Variants in LCT observed in about 807,000 individuals in gnomAD.
LCT encodes lactase.
LCT carries 90 observed loss-of-function variants against 173.0 expected under a neutral mutation model. The ratio of observed to expected loss-of-function variants is 0.52; its 90% confidence interval spans 0.44 to 0.62. The LOEUF is 0.62. Among genes scored for constraint, LCT ranks in the 20% least tolerant of loss-of-function variants. The probability of loss-of-function intolerance (pLI) is 0.00; values close to 1 mark genes in which losing one functional copy is unlikely to be tolerated. For missense variants in LCT, 1,864 were observed against 2,431.4 expected (o/e 0.77, Z 4.91); for synonymous variants, 853 against 957.6 (o/e 0.89, Z 2.02).
intron 3 of LCT, among the ~76,000 whole-genome samples, chr2:135,827,670 C>A (rs1455689011): frequency 1.3e-5 from 2 of 152,138 alleles, no homozygotes; most frequent in Admixed American, 1.3e-4. Context: ...CCCTCGCATG[C>A]GCAGTTCACA....
intron 14 of LCT, among the ~76,000 whole-genome samples, chr2:135,791,560 G>A (rs1337980410): frequency 2.0e-5 from 3 of 147,266 alleles, no homozygotes; most frequent in Non-Finnish European, 4.4e-5. Flanking sequence ...GATCTTTCAG[G>A]GAAAAAAAAA....
At position 135,798,058 on chromosome 2, in the gene LCT, C is replaced by T. The variant is rs759920127; in HGVS notation, c.4947G>A (p.Arg1649=). The T allele has an allele frequency of 1.2e-6, 2 of 1,612,318 alleles. No homozygotes were observed. The highest frequency in any genetic ancestry group is 2.2e-5 in the South Asian group (2 of 91,038). ...ACTTGTTGAGGCCTGCAGCCAAGCT[C>T]CTGTCACGGATCCGCGTCTTCATCA... ...NEVMKTRIRD[R]SLAAGLNKSR... The change falls in exon 13 of 17, where the codon AGG becomes AGA. Residue 1649 remains arginine, a synonymous_variant. Coordinates refer to ENST00000264162, the MANE Select transcript of LCT (RefSeq NM_002299.4).
intron 11 of LCT, 28 bp from the exon 12 acceptor site, chr2:135,800,837 G>A: frequency 6.5e-7 from 1 of 1,542,066 alleles, no homozygotes; most frequent in South Asian, 1.1e-5. Flanking sequence ...GATGTCAACA[G>A]AGAATGGATA....
chr2:135,798,203 C>T (rs1026384388), intron 12 of LCT, 65 bp from the exon 13 acceptor site: 2 of 876,646 alleles, frequency 2.3e-6, no homozygotes, highest in Non-Finnish European at 3.9e-6. Flanking sequence ...ACAGCATCGT[C>T]CCCGCTCAGA....
chr2:135,809,604 C>G lies in LCT; in HGVS notation c.2743G>C (p.Ala915Pro). Residue 915 changes from alanine (A) to proline (P), a missense_variant, in exon 8 of 17, where the codon GCT becomes CCT. Physicochemically the swap from Ala to Pro is conservative, Grantham distance 27. Transcript: ENST00000264162. This position sits in a 1 kb window ranked among gnomAD's most constrained non-coding sequence, Gnocchi z 5.5. Reference sequence around the variant, plus strand: ...TCCCACGCGCCTTCAATCTGATAAGCGGAAGAGGACACGCCCCACAGAAAG... The same window carrying G: ...TCCCACGCGCCTTCAATCTGATAAGGGGAAGAGGACACGCCCCACAGAAAG... ...DDFLWGVSSS[A>P]YQIEGAWDAD... 1 of 1,614,186 alleles carries G rather than the reference C, an allele frequency of 6.2e-7. No homozygotes were observed. Among genetic ancestry groups the G allele is most frequent in the Non-Finnish European group, 8.5e-7 (1 of 1,180,048 alleles).
Position 135,809,901 on chromosome 2 carries a change from C to T in LCT, c.2446G>A (p.Gly816Ser), listed in dbSNP as rs1348498252. ...EGPSGYSQRF[G>S]LHHVNFSDSS... Reference sequence around the variant, plus strand: ...TCGCTGAAGTTGACGTGGTGCAGGCCAAACCGCTGGCTGTAACCAGAAGGG... The same window carrying T: ...TCGCTGAAGTTGACGTGGTGCAGGCTAAACCGCTGGCTGTAACCAGAAGGG... The change falls in exon 8 of 17, where the codon GGC becomes AGC. Residue 816 changes from glycine to serine, a missense_variant. Physicochemically the swap from Gly to Ser is moderately conservative, Grantham distance 56 (BLOSUM62 0). This residue lies in a region of LCT where 755 missense variants were observed against 926.3 expected (regional missense o/e 0.82). Coordinates refer to ENST00000264162, the MANE Select transcript of LCT (RefSeq NM_002299.4). This position sits in a 1 kb window ranked among gnomAD's most constrained non-coding sequence, Gnocchi z 5.5. 6.2e-7 allele frequency: 1 copy of T among 1,614,162 alleles called. No individual in the cohort carries two copies. The highest frequency in any genetic ancestry group is 8.5e-7 in the Non-Finnish European group (1 of 1,180,032).
Position 135,800,692 on chromosome 2 carries a change from A to G in LCT, c.4781T>C (p.Ile1594Thr). ...CCAGTCACTGCTGATGGTGATGGAA[A>G]TCACGCCACCTTGACTGGCGCGGTA... Reference protein sequence around the residue: ...DVYRASQGGVISITISSDWAE... With the variant: ...DVYRASQGGVTSITISSDWAE... The change falls in exon 12 of 17, where the codon ATT becomes ACT. Residue 1594 changes from isoleucine to threonine, a missense_variant. Transcript: ENST00000264162. 4.3e-6 allele frequency: 7 copies of G among 1,613,874 alleles called. No individual in the cohort carries two copies. The highest frequency in any genetic ancestry group is 5.9e-6 in the Non-Finnish European group (7 of 1,180,012).
At chr2:135,812,984 G>A (rs770991541) in intron 6 of LCT, 28 bp from the exon 7 acceptor site, 3 of 1,601,498 alleles carry the variant, frequency 1.9e-6, no homozygotes, top group Admixed American at 3.4e-5. Context: ...AGGAAATACA[G>A]TGATTAGTAA....
intron 3 of LCT, among the ~76,000 whole-genome samples, chr2:135,828,142 C>T (rs751078028): frequency 6.6e-6 from 1 of 152,116 alleles, no homozygotes; most frequent in African/African-American, 2.4e-5. Flanking sequence ...CTCCTGCCTC[C>T]ACCTCCCAAG....
At chr2:135,794,131 C>T (rs558376725) in intron 14 of LCT, among the ~76,000 whole-genome samples, 1 of 131,466 alleles carries the variant, frequency 7.6e-6, no homozygotes, top group East Asian at 2.2e-4. Flanking sequence ...GAGCGAGACT[C>T]TGTCTCAAAA....
chr2:135,834,297 T>C (rs1050038866), intron 1 of LCT, among the ~76,000 whole-genome samples: 1 of 151,840 alleles, frequency 6.6e-6, no homozygotes, highest in African/African-American at 2.4e-5. Context: ...GCGATTCTCC[T>C]GCCTCAGCCT....
At position 135,808,052 on chromosome 2, in the gene LCT, G is replaced by T. The variant is rs189290186; in HGVS notation, c.3904+391C>A. Among the ~76,000 whole-genome samples the T allele has an allele frequency of 3.5e-3, 535 of 151,338 alleles. 4 individuals carry two copies. Among genetic ancestry groups the T allele is most frequent in the African/African-American group, 0.012 (490 of 41,304 alleles). ...AAGACTCCATCTCAAAAAAAAAAAA[G>T]GAAGTTTGAATTAACACAACTTTCT... On this transcript the variant is annotated intron_variant, in intron 8 of 16. Transcript: ENST00000264162.
upstream of LCT, chr2:135,837,184 T>TA: frequency 5.0e-6 from 8 of 1,609,882 alleles, no homozygotes; most frequent in Non-Finnish European, 6.8e-6. Flanking sequence ...TAGGAACTGT[T>TA]AGGAGGTATG....
At chr2:135,814,275 G>A (rs1171778165) in intron 6 of LCT, among the ~76,000 whole-genome samples, 2 of 152,128 alleles carry the variant, frequency 1.3e-5, no homozygotes, top group Admixed American at 1.3e-4. Flanking sequence ...AACTCGAATG[G>A]CAAACTGTGC....
intron 4 of LCT, chr2:135,823,174 C>T (rs76889783): frequency 0.012 from 1,805 of 156,386 alleles, 13 homozygotes; most frequent in Non-Finnish European, 0.014. Flanking sequence ...TGACTTCTCC[C>T]ATACTCTGGC....
At chr2:135,815,055 G>T (rs1461551757) in intron 6 of LCT, among the ~76,000 whole-genome samples, 1 of 152,126 alleles carries the variant, frequency 6.6e-6, no homozygotes, top group African/African-American at 2.4e-5. Context: ...TATGAGGACA[G>T]CAAGAAGGTG....
chr2:135,823,268 A>G (rs2077852300), intron 4 of LCT, among the ~76,000 whole-genome samples: 1 of 152,136 alleles, frequency 6.6e-6, no homozygotes, highest in African/African-American at 2.4e-5. Flanking sequence ...CCCTTCTTGC[A>G]GAGTCTCCAG....
intron 14 of LCT, 101 bp downstream of exon 14, chr2:135,794,540 G>C: frequency 1.6e-6 from 2 of 1,262,554 alleles, no homozygotes; most frequent in South Asian, 2.4e-5. Flanking sequence ...TTCGGCGTTG[G>C]AGGCCCTGTT....
At chr2:135,820,681 A>G (rs1165377276) in intron 5 of LCT, 7 of 152,208 alleles carry the variant, frequency 4.6e-5, no homozygotes, top group Admixed American at 6.5e-5. Context: ...CTGGAAGTCA[A>G]TTATTGTCTC....
Sources: allele counts gnomAD v4.1 joint callset (sites outside exome capture counted in the v4.1 genomes callset), GRCh38; gene constraint gnomAD v4.1.1; regional missense constraint gnomAD v4.1.1; non-coding constraint Gnocchi (gnomAD v3.1); transcripts MANE v1.5; gene names NCBI Gene and HGNC (gene_info 2026-07-23, HGNC 2026-07-21).